The following AUTS2 variants were observed in gnomAD, a reference collection of about 807,000 sequenced individuals.
AUTS2 encodes activator of transcription and developmental regulator AUTS2.
Under a neutral mutation model 112.4 loss-of-function variants are expected in AUTS2, and 17 were observed. That is an observed-to-expected ratio of 0.15 (90% CI 0.10 to 0.23). The LOEUF (loss-of-function observed/expected upper bound fraction) is 0.23, where lower values mean the gene tolerates loss of function less well. Ranked by LOEUF, AUTS2 falls within the 10% of genes least tolerant of loss-of-function variation. The probability of loss-of-function intolerance (pLI) is 1.00; values close to 1 mark genes in which losing one functional copy is unlikely to be tolerated. For synonymous variants in AUTS2, 751 were observed against 702.7 expected (o/e 1.07, Z -1.09); for missense variants, 1,510 against 1,701.6 (o/e 0.89, Z 1.98).
chr7:69,766,460 T>C (rs1174083062), intron 1 of AUTS2, among the ~76,000 whole-genome samples: 1 of 152,260 alleles, frequency 6.6e-6, no homozygotes, highest in Non-Finnish European at 1.5e-5. Context: ...TTTGAATATA[T>C]ACCCAAAGTG....
chr7:70,516,683 C>A (rs1198826106), intron 5 of AUTS2, among the ~76,000 whole-genome samples: 3 of 152,032 alleles, frequency 2.0e-5, no homozygotes, highest in Admixed American at 6.6e-5. Context: ...CATCAGAGGC[C>A]CCTCAGGAAA....
intron 4 of AUTS2, among the ~76,000 whole-genome samples, chr7:70,363,528 G>A (rs1037381080): frequency 6.8e-6 from 1 of 147,954 alleles, no homozygotes; most frequent in Non-Finnish European, 1.5e-5. Flanking sequence ...TCTAAAATAA[G>A]TATTAATTTC....
chr7:70,058,568 G>A (rs1230083395), intron 2 of AUTS2, among the ~76,000 whole-genome samples: 1 of 150,896 alleles, frequency 6.6e-6, no homozygotes, highest in East Asian at 1.9e-4. Context: ...GAAAAAATTG[G>A]TAATTTGTTT....
At chr7:70,144,796 A>G (rs917189058) in intron 4 of AUTS2, among the ~76,000 whole-genome samples, 1 of 152,206 alleles carries the variant, frequency 6.6e-6, no homozygotes, top group Admixed American at 6.5e-5. Context: ...TGAAAGTCAC[A>G]TTAATTTTTC....
At chr7:70,088,993 G>A (rs758132629) in intron 2 of AUTS2, among the ~76,000 whole-genome samples, 2 of 152,050 alleles carry the variant, frequency 1.3e-5, no homozygotes, top group Non-Finnish European at 2.9e-5. Context: ...TAAGTTTACT[G>A]AGACTTGCTT....
intron 1 of AUTS2, among the ~76,000 whole-genome samples, chr7:69,647,496 A>C (rs1795078256): frequency 6.6e-6 from 1 of 152,098 alleles, no homozygotes; most frequent in African/African-American, 2.4e-5. Flanking sequence ...CTGGGACTAC[A>C]GGCATGCACC....
chr7:69,952,475 A>G (rs1797064818), intron 2 of AUTS2, among the ~76,000 whole-genome samples: 1 of 152,216 alleles, frequency 6.6e-6, no homozygotes, highest in African/African-American at 2.4e-5. Context: ...ATAAGCTAAT[A>G]TGCAGGATCA....
intron 5 of AUTS2, among the ~76,000 whole-genome samples, chr7:70,608,515 T>G (rs1411384617): frequency 2.0e-5 from 3 of 152,194 alleles, no homozygotes; most frequent in Non-Finnish European, 4.4e-5. Context: ...ACTAAAATGC[T>G]TTTTTTAGGG....
At chr7:70,008,396 TA>T (rs994024604) in intron 2 of AUTS2, among the ~76,000 whole-genome samples, 2 of 152,178 alleles carry the variant, frequency 1.3e-5, no homozygotes, top group African/African-American at 4.8e-5. Context: ...CTACTTCCTT[TA>T]AAAAATATTA....
At position 70,561,885 on chromosome 7, in the gene AUTS2, C is replaced by T. The variant is rs1161021603; in HGVS notation, c.690+126104C>T. Among the ~76,000 whole-genome samples the T allele has an allele frequency of 2.6e-5, 4 of 152,224 alleles. No individual in the cohort carries two copies. The East Asian group carries it at 7.7e-4, about 29-fold the overall frequency. On this transcript the variant is annotated intron_variant, in intron 5 of 18. Transcript: ENST00000342771. ...TTGTTCCCTTCAAATCTTTTGTTGA[C>T]ATTGCATCTCCAGTGTTCGAGGTGG...
intron 2 of AUTS2, among the ~76,000 whole-genome samples, chr7:70,049,072 A>G (rs1310782385): frequency 6.6e-6 from 1 of 152,174 alleles, no homozygotes; most frequent in East Asian, 1.9e-4. Flanking sequence ...CTGGGACTAT[A>G]GGTACACACC....
chr7:70,122,962 ACCT>A (rs1805765608), intron 3 of AUTS2, among the ~76,000 whole-genome samples: 1 of 136,398 alleles, frequency 7.3e-6, no homozygotes, highest in African/African-American at 2.8e-5. Flanking sequence ...TGCAGCCTCC[ACCT>A]CCTGGGTTCA....
chr7:70,590,185 A>G (rs1473732146), intron 5 of AUTS2, among the ~76,000 whole-genome samples: 3 of 151,846 alleles, frequency 2.0e-5, no homozygotes, highest in African/African-American at 7.3e-5. Flanking sequence ...TGTATAAAAT[A>G]AGGGGGCACT....
chr7:70,149,120 TTATTACCA>T (rs1807290395), intron 4 of AUTS2, among the ~76,000 whole-genome samples: 1 of 138,854 alleles, frequency 7.2e-6, no homozygotes, highest in Non-Finnish European at 1.6e-5. Context: ...TTCTAAGATG[TTATTACCA>T]TGCAGTATGC....
At chr7:69,849,766 G>A (rs1792376410) in intron 1 of AUTS2, among the ~76,000 whole-genome samples, 1 of 151,992 alleles carries the variant, frequency 6.6e-6, no homozygotes, top group Admixed American at 6.6e-5. Context: ...TTGCTTTTAT[G>A]AATGTTTATT....
chr7:69,753,158 A>G (rs553427146), intron 1 of AUTS2, among the ~76,000 whole-genome samples: 2 of 152,132 alleles, frequency 1.3e-5, no homozygotes, highest in Non-Finnish European at 2.9e-5. Context: ...AAATGTGATC[A>G]TGTATGTGAG....
At chr7:69,931,610 T>A (rs1796231404) in intron 2 of AUTS2, among the ~76,000 whole-genome samples, 1 of 152,196 alleles carries the variant, frequency 6.6e-6, no homozygotes, top group Non-Finnish European at 1.5e-5. Context: ...TGTCGCAACA[T>A]CACTGACTTG....
At chr7:69,859,989 A>C (rs1177665290) in intron 1 of AUTS2, among the ~76,000 whole-genome samples, 7 of 152,142 alleles carry the variant, frequency 4.6e-5, no homozygotes, top group Admixed American at 3.9e-4. Flanking sequence ...GACTGAAGAG[A>C]CATTCAAATT....
chr7:70,622,446 G>A (rs765383210), intron 5 of AUTS2, among the ~76,000 whole-genome samples: 22 of 151,978 alleles, frequency 1.4e-4, no homozygotes, highest in Non-Finnish European at 3.1e-4. Flanking sequence ...CATAGCTCCC[G>A]TCATCCCCAC....
Sources: allele counts gnomAD v4.1 joint callset (sites outside exome capture counted in the v4.1 genomes callset), GRCh38; gene constraint gnomAD v4.1.1; transcripts MANE v1.5; gene names NCBI Gene and HGNC (gene_info 2026-07-23, HGNC 2026-07-21).